Variants in FHIT observed in about 807,000 individuals in gnomAD.
FHIT encodes the protein fragile histidine triad diadenosine triphosphatase, also known as bis(5'-adenosyl)-triphosphatase.
In FHIT, 19 loss-of-function variants were observed where a neutral mutation model predicts 17.9. The observed-to-expected ratio is 1.06, with a 90% CI of 0.74 to 1.56. The LOEUF (loss-of-function observed/expected upper bound fraction) is 1.56, where lower values mean the gene tolerates loss of function less well. Among genes scored for constraint, FHIT ranks in the 40% most tolerant of loss-of-function variants. FHIT has a pLI of 0.00. For missense variants in FHIT, 248 were observed against 189.2 expected, an observed-to-expected ratio of 1.31 and a Z score of -1.82; for synonymous variants, 81 against 69.7, an observed-to-expected ratio of 1.16 and a Z score of -0.81.
chr3:60,183,185 G>A (rs771318619), intron 5 of FHIT, among the ~76,000 whole-genome samples: 2 of 152,128 alleles, frequency 1.3e-5, no homozygotes, highest in African/African-American at 2.4e-5. Context: ...ATCACTTGAG[G>A]TCAGGAGTTT....
intron 5 of FHIT, among the ~76,000 whole-genome samples, chr3:60,325,766 C>G (rs1709663158): frequency 1.3e-5 from 2 of 152,222 alleles, no homozygotes; most frequent in Admixed American, 1.3e-4. Context: ...TCAGTGTCCT[C>G]TGCCCTGCCA....
intron 4 of FHIT, among the ~76,000 whole-genome samples, chr3:60,583,082 A>T (rs1486753171): frequency 6.6e-6 from 1 of 151,872 alleles, no homozygotes; most frequent in African/African-American, 2.4e-5. Context: ...CAACACAAGA[A>T]AACAGGAGGA....
chr3:60,021,361 G>A (rs1700547674), intron 5 of FHIT, among the ~76,000 whole-genome samples: 1 of 152,184 alleles, frequency 6.6e-6, no homozygotes, highest in Admixed American at 6.5e-5. Flanking sequence ...GAAGCAAACA[G>A]TTGCCTTTCA....
intron 3 of FHIT, among the ~76,000 whole-genome samples, chr3:60,825,484 C>T (rs73109690): frequency 0.046 from 6,949 of 152,238 alleles, 214 homozygotes; most frequent in South Asian, 0.1. Flanking sequence ...GGTCCCCAAC[C>T]GCCAGGCGGC....
At chr3:60,363,724 G>A (rs1164193675) in intron 5 of FHIT, among the ~76,000 whole-genome samples, 1 of 152,098 alleles carries the variant, frequency 6.6e-6, no homozygotes, top group Non-Finnish European at 1.5e-5. Context: ...CCAGGAGTCT[G>A]GCCTCCGTGA....
intron 4 of FHIT, among the ~76,000 whole-genome samples, chr3:60,626,173 CT>C (rs1270381108): frequency 1.3e-5 from 2 of 152,102 alleles, no homozygotes; most frequent in South Asian, 2.1e-4. Flanking sequence ...CAAGTTCGCA[CT>C]TTTTTTCAAG....
chr3:59,790,849 T>C lies in FHIT; in HGVS notation c.349-38528A>G, dbSNP rs117770372. 4.4e-4 allele frequency among the ~76,000 whole-genome samples: 67 copies of C among 152,332 alleles called. No individual in the cohort carries two copies. The East Asian group carries it at 0.012, about 26-fold the overall frequency. ...TCCCTGCTATATGGTTGGTAGGTGC[T>C]AAGTAAACTTTTTTTTAATGAATGA... is the stretch of plus-strand genomic sequence containing the variant. On this transcript the variant is annotated intron_variant, in intron 8 of 9. Coordinates refer to ENST00000492590, the MANE Select transcript of FHIT (RefSeq NM_002012.4).
intron 4 of FHIT, among the ~76,000 whole-genome samples, chr3:60,544,848 CA>C (rs1271535668): frequency 6.6e-6 from 1 of 152,078 alleles, no homozygotes; most frequent in Non-Finnish European, 1.5e-5. Flanking sequence ...CCACCTGCCT[CA>C]GCCTCCCAAA....
intron 8 of FHIT, among the ~76,000 whole-genome samples, chr3:59,793,594 G>T (rs1272986783): frequency 6.6e-6 from 1 of 152,148 alleles, no homozygotes; most frequent in East Asian, 1.9e-4. Context: ...CAGAAGCTCA[G>T]TCCTTGCGAG....
Position 60,129,042 on chromosome 3 carries a change from C to CT in FHIT, c.104-114891dup, listed in dbSNP as rs1360333142. ...ACTTAATTTTCCCTTTTCTTCTTTC[C>CT]TTTTTTGTTTGTTTTTTTTTTTTTT... On this transcript the variant is annotated intron_variant, in intron 5 of 9. Transcript: ENST00000492590. Among the ~76,000 whole-genome samples the CT allele has an allele frequency of 1.2e-4, 14 of 113,038 alleles. 1 individual carries two copies. The highest frequency in any genetic ancestry group is 6.5e-4 in the South Asian group (2 of 3,060). The allele number at this position is 113,038 out of a possible 152,430, so 74.2% of individuals were successfully genotyped here.
chr3:60,126,611 C>T (rs62240240), intron 5 of FHIT, among the ~76,000 whole-genome samples: 1 of 152,196 alleles, frequency 6.6e-6, no homozygotes, highest in Non-Finnish European at 1.5e-5. Context: ...ATAAAACCCA[C>T]ATGAGTATCA....
chr3:60,317,495 C>G (rs1197001418), intron 5 of FHIT, among the ~76,000 whole-genome samples: 1 of 150,794 alleles, frequency 6.6e-6, no homozygotes, highest in Non-Finnish European at 1.5e-5. Context: ...AAGCTACTAA[C>G]ATGCAGTTTG....
At chr3:60,694,419 T>A (rs879985346) in intron 4 of FHIT, among the ~76,000 whole-genome samples, 6 of 151,978 alleles carry the variant, frequency 3.9e-5, no homozygotes, top group Admixed American at 2.0e-4. Context: ...AAACAATAGG[T>A]GCTGGAGAGG....
At chr3:60,526,492 G>T (rs1576814649) in intron 5 of FHIT, among the ~76,000 whole-genome samples, 3 of 152,060 alleles carry the variant, frequency 2.0e-5, no homozygotes, top group Admixed American at 2.0e-4. Context: ...TGCTGAGGTT[G>T]GTGCTTCTGG....
At chr3:59,795,339 G>A (rs932828978) in intron 8 of FHIT, among the ~76,000 whole-genome samples, 1 of 151,344 alleles carries the variant, frequency 6.6e-6, no homozygotes, top group Non-Finnish European at 1.5e-5. Context: ...AGCCGAGATT[G>A]TGCCATTGCA....
chr3:60,532,828 T>C (rs1201534409), intron 5 of FHIT, among the ~76,000 whole-genome samples: 2 of 152,120 alleles, frequency 1.3e-5, no homozygotes, highest in Non-Finnish European at 2.9e-5. Flanking sequence ...TATGAAAAAG[T>C]CAGTGAGCAA....
intron 2 of FHIT, among the ~76,000 whole-genome samples, chr3:61,047,651 CA>C (rs1559939149): frequency 6.6e-6 from 1 of 152,004 alleles, no homozygotes; most frequent in Admixed American, 6.6e-5. Context: ...CATATGGAAC[CA>C]AAAAAGAGCC....
At chr3:60,874,312 T>C (rs1448718517) in intron 3 of FHIT, among the ~76,000 whole-genome samples, 2 of 152,118 alleles carry the variant, frequency 1.3e-5, no homozygotes, top group African/African-American at 2.4e-5. Flanking sequence ...AAGAAAACAG[T>C]TCTGAAAAGG....
intron 5 of FHIT, among the ~76,000 whole-genome samples, chr3:60,019,171 A>G (rs1488375346): frequency 6.6e-6 from 1 of 152,170 alleles, no homozygotes; most frequent in East Asian, 1.9e-4. Context: ...CAATAGATGC[A>G]GAATCTCTGA....
Sources: gnomAD v4.1 joint callset for allele counts (sites outside exome capture counted in the v4.1 genomes callset) on GRCh38, gnomAD v4.1.1 for gene constraint, MANE v1.5 for transcripts, NCBI Gene and HGNC (gene_info 2026-07-23, HGNC 2026-07-21) for gene names.